RBMS3: variants seen among roughly 807,000 people sequenced by gnomAD.
RBMS3 encodes RNA-binding motif, single-stranded-interacting protein 3.
Under a neutral mutation model 66.8 loss-of-function variants are expected in RBMS3, and 27 were observed. That is an observed-to-expected ratio of 0.40 (90% confidence interval 0.30 to 0.56). The LOEUF (loss-of-function observed/expected upper bound fraction) is 0.56, where lower values mean the gene tolerates loss of function less well. Among genes scored for constraint, RBMS3 ranks in the 20% least tolerant of loss-of-function variants. The pLI is 0.40. For missense variants in RBMS3, 513 were observed against 549.5 expected, an observed-to-expected ratio of 0.93 and a Z score of 0.66; for synonymous variants, 188 against 183.0, an observed-to-expected ratio of 1.03 and a Z score of -0.22.
At chr3:29,688,751 T>A (rs1240113652) in intron 4 of RBMS3, among the ~76,000 whole-genome samples, 2 of 151,616 alleles carry the variant, frequency 1.3e-5, no homozygotes, top group African/African-American at 4.9e-5. Context: ...CCAAGCTGAT[T>A]TTTGTATTTT....
chr3:29,447,191 T>A lies in RBMS3; in HGVS notation c.248+12276T>A, dbSNP rs374957687. On this transcript the variant is annotated intron_variant, in intron 2 of 14. Transcript: ENST00000383767. Reference sequence around the variant, plus strand: ...GCCCCCCAAAGTGCTGGGATTACAGTTGTGAGCCGCTGCACCCAGCCAGCA... The same window carrying A: ...GCCCCCCAAAGTGCTGGGATTACAGATGTGAGCCGCTGCACCCAGCCAGCA... Among the ~76,000 whole-genome samples the A allele has an allele frequency of 2.0e-5, 3 of 152,044 alleles. No homozygotes were observed. In the East Asian group the frequency reaches 5.8e-4, roughly 29 times the overall value.
rs952792993 is a variant in RBMS3, at chr3:29,582,195, TACAC to T, written c.308-4911_308-4908del. On this transcript the variant is annotated intron_variant, in intron 3 of 14. Transcript: ENST00000383767. ...ATAGATAGATAGATAGATAGATAGATACACACACACATACATACAGTTTTTTCTC... is the reference window on the plus strand; with the variant it reads ...ATAGATAGATAGATAGATAGATAGATACACACATACATACAGTTTTTTCTC... 4.7e-5 allele frequency among the ~76,000 whole-genome samples: 7 copies of T among 150,524 alleles called. No individual in the cohort carries two copies. In the East Asian group the frequency reaches 1.4e-3, roughly 29 times the overall value.
intron 4 of RBMS3, among the ~76,000 whole-genome samples, chr3:29,603,968 T>C: frequency 6.6e-6 from 1 of 151,970 alleles, no homozygotes; most frequent in East Asian, 1.9e-4. Flanking sequence ...ACATTTATGG[T>C]GGTCACAACT....
intron 6 of RBMS3, among the ~76,000 whole-genome samples, chr3:29,865,492 G>A (rs189760403): frequency 1.3e-5 from 2 of 152,286 alleles, no homozygotes; most frequent in East Asian, 3.9e-4. Context: ...TGGTCAATGT[G>A]TTCTTACAGC....
chr3:29,286,261 A>G (rs992983536), intron 1 of RBMS3, among the ~76,000 whole-genome samples: 4 of 152,072 alleles, frequency 2.6e-5, no homozygotes, highest in African/African-American at 9.7e-5. Flanking sequence ...ATAAGAGGAA[A>G]ATAGAAGGAA....
At chr3:29,802,911 T>G (rs1310975957) in intron 6 of RBMS3, among the ~76,000 whole-genome samples, 1 of 152,156 alleles carries the variant, frequency 6.6e-6, no homozygotes, top group East Asian at 1.9e-4. Flanking sequence ...GATGCAGCAC[T>G]CTGAATGGTG....
At chr3:29,702,054 A>T (rs113951208) in intron 4 of RBMS3, among the ~76,000 whole-genome samples, 25 of 152,330 alleles carry the variant, frequency 1.6e-4, no homozygotes, top group African/African-American at 5.3e-4. Flanking sequence ...AGGTTTGTAA[A>T]TATGCCAATC....
rs74835758 is a variant in RBMS3 at position 29,305,468 on chromosome 3, C to T, written c.75+23712C>T. On this transcript the variant is annotated intron_variant, in intron 1 of 14. Transcript: ENST00000383767. ...TACTCCTTGAGTGAATAACCAGCTG[C>T]CCCTCAGGTTTATGCCTAGACCTGG... 2.5e-3 allele frequency among the ~76,000 whole-genome samples: 376 copies of T among 152,000 alleles called. 3 individuals carry two copies. The highest frequency in any genetic ancestry group is 8.3e-3 in the African/African-American group (345 of 41,510).
intron 12 of RBMS3, among the ~76,000 whole-genome samples, chr3:29,987,057 C>G (rs891895735): frequency 3.3e-5 from 5 of 152,180 alleles, no homozygotes; most frequent in African/African-American, 7.2e-5. Context: ...CTAAGATACA[C>G]AAAACAGTAA....
intron 6 of RBMS3, among the ~76,000 whole-genome samples, chr3:29,786,883 T>A (rs1311925998): frequency 6.6e-6 from 1 of 151,952 alleles, no homozygotes; most frequent in African/African-American, 2.4e-5. Context: ...GGAAAAGAAA[T>A]AATGAGCAGA....
chr3:29,288,236 G>A (rs901562767), intron 1 of RBMS3, among the ~76,000 whole-genome samples: 1 of 151,972 alleles, frequency 6.6e-6, no homozygotes, highest in Non-Finnish European at 1.5e-5. Flanking sequence ...GGTATCTTCA[G>A]GTGACCTCGG....
chr3:29,587,194 C>G lies in RBMS3; in HGVS notation c.388C>G (p.Gln130Glu). The G allele has an allele frequency of 7.3e-7, 1 of 1,372,984 alleles. No homozygotes were observed. The allele number at this position is 1,372,984 out of a possible 1,614,324, so 85.1% of individuals were successfully genotyped here. A position where few individuals can be genotyped will look rare whatever the true frequency, so the allele number is the denominator to read the frequency against. ...TCTCAAGGCAAATGGCGTGCAGGCA[C>G]AGATGGCTAAGGTAAGATTGATGTT... The part of the protein sequence containing the change: ...ASLKANGVQA[Q>E]MAKQQEQDPT... Residue 130 changes from glutamine to glutamate, a missense_variant, in exon 4 of 15, where the codon CAG (glutamine) becomes GAG (glutamate). Gln to Glu is a conservative substitution (Grantham distance 29). Transcript: ENST00000383767.
At chr3:29,347,471 A>G (rs1301306567) in intron 1 of RBMS3, among the ~76,000 whole-genome samples, 2 of 152,196 alleles carry the variant, frequency 1.3e-5, no homozygotes, top group Non-Finnish European at 2.9e-5. Flanking sequence ...TTGTAATCCT[A>G]TTAAATTATA....
At chr3:29,565,303 AC>A (rs2046702813) in intron 3 of RBMS3, among the ~76,000 whole-genome samples, 1 of 152,282 alleles carries the variant, frequency 6.6e-6, no homozygotes, top group Admixed American at 6.5e-5. Flanking sequence ...TTATAAATGC[AC>A]CATAAAGAAA....
intron 4 of RBMS3, among the ~76,000 whole-genome samples, chr3:29,729,650 T>C (rs2054045022): frequency 6.6e-6 from 1 of 152,150 alleles, no homozygotes; most frequent in South Asian, 2.1e-4. Context: ...CCAGCATCTG[T>C]TGTTTCCTGA....
intron 1 of RBMS3, among the ~76,000 whole-genome samples, chr3:29,313,999 G>A (rs958866779): frequency 2.0e-5 from 3 of 151,600 alleles, no homozygotes; most frequent in African/African-American, 7.3e-5. Context: ...TCATCTTCTG[G>A]TTGCTTGGGC....
chr3:29,884,177 A>T lies in RBMS3; in HGVS notation c.760A>T (p.Thr254Ser). ...PREGEAGMAL[T>S]YDPTAAIQNG... The stretch of plus-strand genomic sequence containing the variant: ...CTATATACAGGCTGGCATGGCTTTG[A>T]CCTATGACCCCACAGCTGCCATACA... The change falls in exon 8 of 15, where the codon ACC (threonine) becomes TCC (serine). Residue 254 changes from threonine to serine, a missense_variant. Coordinates refer to ENST00000383767, the MANE Select transcript of RBMS3 (RefSeq NM_001003793.3). 6.2e-7 allele frequency: 1 copy of T among 1,611,982 alleles called. No individual in the cohort carries two copies. Among genetic ancestry groups the T allele is most frequent in the Non-Finnish European group, 8.5e-7 (1 of 1,178,620 alleles).
intron 6 of RBMS3, among the ~76,000 whole-genome samples, chr3:29,839,866 C>CA (rs997135588): frequency 3.3e-5 from 5 of 151,680 alleles, no homozygotes; most frequent in Admixed American, 6.6e-5. Flanking sequence ...ACACGAAATA[C>CA]AAAAAAATTG....
At chr3:29,287,262 G>A (rs765851559) in intron 1 of RBMS3, among the ~76,000 whole-genome samples, 5 of 152,040 alleles carry the variant, frequency 3.3e-5, no homozygotes, top group Non-Finnish European at 5.9e-5. Context: ...AAACACATAG[G>A]TGCTGAATAG....
Sources: allele counts gnomAD v4.1 joint callset (sites outside exome capture counted in the v4.1 genomes callset), GRCh38; gene constraint gnomAD v4.1.1; transcripts MANE v1.5; gene names NCBI Gene and HGNC (gene_info 2026-07-23, HGNC 2026-07-21).